CIB2: variants seen among roughly 807,000 people sequenced by gnomAD.
The protein encoded by CIB2 is calcium and integrin binding family member 2.
Under a neutral mutation model 23.1 loss-of-function variants are expected in CIB2, and 19 were observed. The ratio of observed to expected loss-of-function variants is 0.82; its 90% CI spans 0.57 to 1.21. The LOEUF is 1.21. Among genes scored for constraint, CIB2 ranks in the 50% most tolerant of loss-of-function variants. The probability of loss-of-function intolerance (pLI) is 0.00; values close to 1 mark genes in which losing one functional copy is unlikely to be tolerated. For missense variants in CIB2, 220 were observed against 241.5 expected, an observed-to-expected ratio of 0.91 and a Z score of 0.59; for synonymous variants, 94 against 91.7, an observed-to-expected ratio of 1.03 and a Z score of -0.14.
At chr15:78,113,629 C>T (rs1412192463) in intron 2 of CIB2, among the ~76,000 whole-genome samples, 1 of 151,898 alleles carries the variant, frequency 6.6e-6, no homozygotes, top group Non-Finnish European at 1.5e-5. Flanking sequence ...CTCCCGGGTT[C>T]AGGCCATTCT....
intron 2 of CIB2, among the ~76,000 whole-genome samples, chr15:78,117,047 A>G (rs1215301270): frequency 6.6e-6 from 1 of 151,720 alleles, no homozygotes; most frequent in Non-Finnish European, 1.5e-5. Flanking sequence ...TTAACAAAAG[A>G]TATAAAAATA....
intron 2 of CIB2, among the ~76,000 whole-genome samples, chr15:78,116,282 T>C (rs1005959364): frequency 2.6e-5 from 4 of 151,600 alleles, no homozygotes; most frequent in Non-Finnish European, 5.9e-5. Flanking sequence ...CAAAACAGTG[T>C]CACCCTTGTC....
At position 78,124,417 on chromosome 15, in the gene CIB2, G is replaced by A. The variant is rs371779879; in HGVS notation, c.52-678C>T. Among the ~76,000 whole-genome samples, 3 of 151,962 alleles carry A rather than the reference G, an allele frequency of 2.0e-5. No individual in the cohort carries two copies. The East Asian group carries it at 5.8e-4, about 29-fold the overall frequency. The stretch of plus-strand genomic sequence containing the variant: ...TCCCCAGGTAAGCATTACTCCAGGT[G>A]GGGGGCAGCACTTGGCTCCTAGGGC... On this transcript the variant is annotated intron_variant, in intron 1 of 5. Transcript: ENST00000258930.
intron 2 of CIB2, 24 bp from the exon 3 acceptor site, chr15:78,111,300 C>T (rs774969149): frequency 1.8e-5 from 29 of 1,593,588 alleles, no homozygotes; most frequent in African/African-American, 6.7e-5. Flanking sequence ...AGAGAAAAAG[C>T]GCTGGAGGGG....
At chr15:78,127,239 C>T (rs1290489837) in intron 1 of CIB2, among the ~76,000 whole-genome samples, 1 of 152,208 alleles carries the variant, frequency 6.6e-6, no homozygotes, top group Admixed American at 6.5e-5. Context: ...CCCACCACTA[C>T]ACCCTCAGCT....
intron 4 of CIB2, among the ~76,000 whole-genome samples, chr15:78,106,771 G>C (rs1052730873): frequency 9.9e-5 from 15 of 152,078 alleles, no homozygotes; most frequent in African/African-American, 3.4e-4. Flanking sequence ...CTAGCGATAA[G>C]GGTCCTCTTC....
intron 3 of CIB2, 49 bp from the exon 4 acceptor site, chr15:78,109,431 G>A (rs747927004): frequency 3.7e-6 from 6 of 1,610,252 alleles, no homozygotes; most frequent in Admixed American, 3.3e-5. Flanking sequence ...ATAAGCAGGA[G>A]GGCCCCGGAG....
chr15:78,120,257 T>C (rs1567056657), intron 2 of CIB2, among the ~76,000 whole-genome samples: 2 of 152,162 alleles, frequency 1.3e-5, no homozygotes, highest in African/African-American at 2.4e-5. Context: ...GCATAATATA[T>C]ACCAAAAGAT....
chr15:78,131,307 C>T lies in CIB2; in HGVS notation c.-92G>A, dbSNP rs2074453061. On this transcript the variant is annotated 5_prime_UTR_variant, in exon 1 of 6. Transcript: ENST00000258930. The surrounding 1 kb of genome is among the most constrained non-coding windows in gnomAD (Gnocchi z 5.8). ...GCCAGCGCCCCGTGCCCGCGGCCCT[C>T]GGCAGCCCCGCGGCTGGCAGCGGCC... 1.9e-6 allele frequency: 2 copies of T among 1,050,038 alleles called. No individual in the cohort carries two copies. Among genetic ancestry groups the T allele is most frequent in the Admixed American group, 4.8e-5 (1 of 20,630 alleles). 65.0% of individuals were successfully genotyped at this position (1,050,038 alleles called of 1,614,324 possible). A position where few individuals can be genotyped will look rare whatever the true frequency, so the allele number is the denominator to read the frequency against.
At chr15:78,123,872 C>G (rs1254341470) in intron 1 of CIB2, 133 bp from the exon 2 acceptor site, 8 of 1,006,800 alleles carry the variant, frequency 7.9e-6, no homozygotes, top group Non-Finnish European at 1.2e-5. Flanking sequence ...TATCCCTTTC[C>G]ACCTTGCCCT....
intron 1 of CIB2, among the ~76,000 whole-genome samples, chr15:78,129,228 G>A (rs1297616876): frequency 6.6e-6 from 1 of 152,140 alleles, no homozygotes; most frequent in Non-Finnish European, 1.5e-5. Context: ...GGCAATGGCT[G>A]GCTGGAGAGC....
At chr15:78,123,586 C>A in intron 2 of CIB2, 119 bp downstream of exon 2, 1 of 1,045,284 alleles carries the variant, frequency 9.6e-7, no homozygotes, top group Non-Finnish European at 1.5e-6. Flanking sequence ...AATGTGGCTC[C>A]TGATACATGC....
At chr15:78,124,146 G>A (rs567903458) in intron 1 of CIB2, among the ~76,000 whole-genome samples, 36 of 152,108 alleles carry the variant, frequency 2.4e-4, no homozygotes, top group Non-Finnish European at 4.6e-4. Flanking sequence ...GCTGCATGGG[G>A]TGCCATCCTC....
chr15:78,111,792 G>C (rs16969502), intron 2 of CIB2, among the ~76,000 whole-genome samples: 7,676 of 152,160 alleles, frequency 0.05, 289 homozygotes, highest in South Asian at 0.15. Flanking sequence ...GCCCAAGATG[G>C]GAAATCCAAG....
chr15:78,106,024 T>C, intron 4 of CIB2, 90 bp from the exon 5 acceptor site: 1 of 1,007,264 alleles, frequency 9.9e-7, no homozygotes, highest in Non-Finnish European at 1.5e-6. Flanking sequence ...CTGGCCCCAC[T>C]ACCTCCACCA....
chr15:78,130,184 G>T (rs1379570473), intron 1 of CIB2, among the ~76,000 whole-genome samples: 1 of 152,144 alleles, frequency 6.6e-6, no homozygotes, highest in African/African-American at 2.4e-5. Context: ...TGCCCCCTCC[G>T]CCTGGGGAGT....
rs141554071 is a variant in CIB2 at position 78,120,609 on chromosome 15, C to T, written c.86+3096G>A. 1,167 of 984,476 alleles carry T rather than the reference C, an allele frequency of 1.2e-3. 7 individuals are homozygous for T. The African/African-American group carries it at 0.017, about 14-fold the overall frequency. 61.0% of individuals were successfully genotyped at this position (984,476 alleles called of 1,614,324 possible). A position where few individuals can be genotyped will look rare whatever the true frequency, so the allele number is the denominator to read the frequency against. ...GACTGAATAGGGTGGGCTGCCCACT[C>T]GGCCTCAATGTGGGAATGCAGGAGC... On this transcript the variant is annotated intron_variant, in intron 2 of 5. Transcript: ENST00000258930.
chr15:78,105,331 T>C lies in CIB2; in HGVS notation c.544A>G (p.Thr182Ala), dbSNP rs2074049815. 6.2e-7 allele frequency: 1 copy of C among 1,613,482 alleles called. No homozygotes were observed. The highest frequency in any genetic ancestry group is 1.7e-5 in the Admixed American group (1 of 59,952). The change falls in exon 6 of 6, where the codon ACT becomes GCT. Residue 182 changes from threonine to alanine, a missense_variant and splice_region_variant. Thr to Ala is a moderately conservative substitution (Grantham distance 58). Coordinates refer to ENST00000258930, the MANE Select transcript of CIB2 (RefSeq NM_006383.4). ...MIAKAPDFLS[T>A]FHIRI ...TGTCCTCAGATCCGGATGTGGAAAG[T>C]GCTAGAAAGAGAGAAAGGGCAAGAG...
chr15:78,109,771 C>T (rs1262223080), intron 3 of CIB2, among the ~76,000 whole-genome samples: 1 of 146,574 alleles, frequency 6.8e-6, no homozygotes, highest in East Asian at 2.0e-4. Context: ...CGTCCCACTG[C>T]ACTCCAGCCT....
Sources: allele counts gnomAD v4.1 joint callset (sites outside exome capture counted in the v4.1 genomes callset), GRCh38; gene constraint gnomAD v4.1.1; non-coding constraint Gnocchi (gnomAD v3.1); transcripts MANE v1.5; gene names NCBI Gene and HGNC (gene_info 2026-07-23, HGNC 2026-07-21).